The following CFAP45 variants were observed in gnomAD, a reference collection of about 807,000 sequenced individuals.
The protein encoded by CFAP45 is cilia- and flagella-associated protein 45.
CFAP45 carries 43 observed loss-of-function variants against 75.6 expected under a neutral mutation model. That is an observed-to-expected ratio of 0.57 (90% CI 0.45 to 0.73). The LOEUF (loss-of-function observed/expected upper bound fraction) is 0.73, where lower values mean the gene tolerates loss of function less well. Among genes scored for constraint, CFAP45 ranks in the 30% least tolerant of loss-of-function variants. The pLI is 0.00. For synonymous variants in CFAP45, 223 were observed against 244.6 expected, an observed-to-expected ratio of 0.91 and a Z score of 0.82; for missense variants, 689 against 701.5, an observed-to-expected ratio of 0.98 and a Z score of 0.20.
chr1:159,898,041 A>T (rs566220336), intron 1 of CFAP45: 1 of 884,972 alleles, frequency 1.1e-6, no homozygotes, highest in East Asian at 1.2e-4. Flanking sequence ...TTCAGGAAAG[A>T]TATGTCTTTT....
intron 3 of CFAP45, among the ~76,000 whole-genome samples, chr1:159,889,975 G>A (rs1255375325): frequency 6.6e-6 from 1 of 152,232 alleles, no homozygotes; most frequent in African/African-American, 2.4e-5. Flanking sequence ...CTCTAGTCAG[G>A]AAGTGGGGTT....
Position 159,880,586 on chromosome 1 carries a change from G to C in CFAP45, c.1012C>G (p.Gln338Glu), listed in dbSNP as rs1649525774. The C allele has an allele frequency of 2.5e-6, 4 of 1,613,358 alleles. No individual in the cohort carries two copies. The highest frequency in any genetic ancestry group is 3.4e-6 in the Non-Finnish European group (4 of 1,179,666). The change falls in exon 8 of 12, where the codon CAG (glutamine) becomes GAG (glutamate). Residue 338 changes from glutamine (Q) to glutamate (E), a missense_variant. Coordinates refer to ENST00000368099, the MANE Select transcript of CFAP45 (RefSeq NM_012337.3). The part of the protein sequence containing the change: ...ELLAQEKLAD[Q>E]MVMEFTKKKM... ...TTCTTGGTAAACTCCATCACCATCT[G>C]GTCTGCCAGCTTCTCCTGAGCCAGC...
At chr1:159,879,558 G>T (rs1649498495) in intron 8 of CFAP45, among the ~76,000 whole-genome samples, 1 of 152,172 alleles carries the variant, frequency 6.6e-6, no homozygotes, top group African/African-American at 2.4e-5. Context: ...TTATGTGATT[G>T]TTATTATGTA....
At position 159,872,928 on chromosome 1, in the gene CFAP45, G is replaced by A. The variant is rs1197450250; in HGVS notation, c.1577+16C>T. On this transcript the variant is annotated intron_variant, in intron 11 of 11. Transcript: ENST00000368099. Reference sequence around the variant, plus strand: ...GGAGGGAAGAGGATTTGGGAAAGGAGGAGATTCCAGCGCACCTCAGCTCTT... The same window carrying A: ...GGAGGGAAGAGGATTTGGGAAAGGAAGAGATTCCAGCGCACCTCAGCTCTT... The A allele has an allele frequency of 1.9e-6, 3 of 1,609,424 alleles. No individual in the cohort carries two copies. Among genetic ancestry groups the A allele is most frequent in the Non-Finnish European group, 2.6e-6 (3 of 1,175,942 alleles).
At chr1:159,894,713 A>C (rs549973234) in intron 1 of CFAP45, among the ~76,000 whole-genome samples, 18 of 152,180 alleles carry the variant, frequency 1.2e-4, no homozygotes, top group Non-Finnish European at 2.2e-4. Context: ...TTCTCCAACT[A>C]CAGAAGCTGA....
intron 3 of CFAP45, 41 bp from the exon 4 acceptor site, chr1:159,888,537 A>G (rs186077017): frequency 1.3e-6 from 2 of 1,592,228 alleles, no homozygotes; most frequent in Admixed American, 3.4e-5. Context: ...GGAGAGGGAA[A>G]GCTCTCAGCA....
In CFAP45 at chr1:159,888,104, T is replaced by A. The variant is rs1280824551; in HGVS notation, c.418-93A>T. The A allele has an allele frequency of 2.7e-5, 38 of 1,430,086 alleles. No homozygotes were observed. The South Asian group carries it at 4.7e-4, about 18-fold the overall frequency. The allele number at this position is 1,430,086 out of a possible 1,614,324, so 88.6% of individuals were successfully genotyped here. A position where few individuals can be genotyped will look rare whatever the true frequency, so the allele number is the denominator to read the frequency against. On this transcript the variant is annotated intron_variant, in intron 4 of 11. Coordinates refer to ENST00000368099, the MANE Select transcript of CFAP45 (RefSeq NM_012337.3). ...GCTACCACAGGTGACCCAGTACAAT[T>A]TTGCCTTGGCCAGTGATGATGTCAG...
rs755026400 is a variant in CFAP45, at chr1:159,890,595, G to T, written c.157C>A (p.Pro53Thr). 1.5e-5 allele frequency: 25 copies of T among 1,613,960 alleles called. No individual in the cohort carries two copies. The African/African-American group carries it at 3.3e-4, about 22-fold the overall frequency. The change falls in exon 3 of 12, where the codon CCC (proline) becomes ACC (threonine). Residue 53 changes from proline to threonine, a missense_variant. By Grantham distance (38) the Pro-to-Thr change is conservative (BLOSUM62 -1). Transcript: ENST00000368099. ...TGCTTATCTCGGAGCAGCACAATGG[G>T]GCTGTCGCTCTGGCCCTGGGCTGGG... ...KSPAQGQSDSPIVLLRDKHTL... is the reference protein window; with the variant it reads ...KSPAQGQSDSTIVLLRDKHTL...
intron 1 of CFAP45, among the ~76,000 whole-genome samples, chr1:159,893,522 A>T (rs933486443): frequency 6.6e-6 from 1 of 152,220 alleles, no homozygotes; most frequent in South Asian, 2.1e-4. Context: ...CAAAAAAAAG[A>T]GCTCTGCATA....
At chr1:159,887,375 T>A (rs543360868) in intron 5 of CFAP45, among the ~76,000 whole-genome samples, 5 of 152,350 alleles carry the variant, frequency 3.3e-5, no homozygotes, top group Admixed American at 2.6e-4. Flanking sequence ...AGAATTCAAA[T>A]GAGCCTCTGG....
intron 10 of CFAP45, 108 bp from the exon 11 acceptor site, chr1:159,873,276 G>T: frequency 1.2e-6 from 1 of 838,158 alleles, no homozygotes; most frequent in Non-Finnish European, 1.9e-6. Context: ...ATGCCTCAGA[G>T]ACCACAGCCC....
intron 8 of CFAP45, among the ~76,000 whole-genome samples, chr1:159,879,498 AAC>A (rs575886558): frequency 6.6e-6 from 1 of 152,170 alleles, no homozygotes; most frequent in Non-Finnish European, 1.5e-5. Context: ...ACACGTGTAA[AAC>A]ACTTAGCACG....
Position 159,872,616 on chromosome 1 carries a change from G to A in CFAP45, c.1578-53C>T, listed in dbSNP as rs932078109. On this transcript the variant is annotated intron_variant, in intron 11 of 11. Coordinates refer to ENST00000368099, the MANE Select transcript of CFAP45 (RefSeq NM_012337.3). ...GGAAAGGTATTGGACCAGACAGGAG[G>A]TGGGAGGAAGCAGGCTCTGGGTGGG... 13 of 1,499,824 alleles carry A rather than the reference G, an allele frequency of 8.7e-6. No homozygotes were observed. The Admixed American group carries it at 1.7e-4, about 19-fold the overall frequency. The allele number at this position is 1,499,824 out of a possible 1,614,324, so 92.9% of individuals were successfully genotyped here. A position where few individuals can be genotyped will look rare whatever the true frequency, so the allele number is the denominator to read the frequency against.
At chr1:159,877,274 A>C in intron 9 of CFAP45, 75 bp downstream of exon 9, 3 of 1,045,106 alleles carry the variant, frequency 2.9e-6, no homozygotes, top group African/African-American at 1.6e-5. Context: ...CCTCAAGGCC[A>C]TTCTACAGGC....
At chr1:159,883,811 G>A (rs1223180113) in intron 7 of CFAP45, among the ~76,000 whole-genome samples, 3 of 152,098 alleles carry the variant, frequency 2.0e-5, no homozygotes, top group Middle Eastern at 3.4e-3. Context: ...AATTATCCAA[G>A]TGCCTGCCAT....
At chr1:159,888,276 C>A in intron 4 of CFAP45, 76 bp downstream of exon 4, 1 of 1,458,608 alleles carries the variant, frequency 6.9e-7, no homozygotes, top group Non-Finnish European at 9.5e-7. Flanking sequence ...TTTCAGGGTC[C>A]CCTGATGAGA....
At position 159,877,480 on chromosome 1, in the gene CFAP45, CT is replaced by C. The variant is rs1321806526; in HGVS notation, c.1045-19del. On this transcript the variant is annotated intron_variant, in intron 8 of 11. Coordinates refer to ENST00000368099, the MANE Select transcript of CFAP45 (RefSeq NM_012337.3). Reference sequence around the variant, plus strand: ...TCTCGAGCCTGCCGGAAGGAAAGGCCTTGTAGAATAGTTGCCATTGCCCCAG... The same window carrying C: ...TCTCGAGCCTGCCGGAAGGAAAGGCCTGTAGAATAGTTGCCATTGCCCCAG... The C allele has an allele frequency of 1.3e-6, 2 of 1,570,444 alleles. No individual in the cohort carries two copies. Among genetic ancestry groups the C allele is most frequent in the Admixed American group, 1.7e-5 (1 of 59,974 alleles).
chr1:159,893,447 C>T (rs914610939), intron 1 of CFAP45, 142 bp from the exon 2 acceptor site: 1 of 775,574 alleles, frequency 1.3e-6, no homozygotes, highest in African/African-American at 1.7e-5. Context: ...TGTGTAAACT[C>T]TGAACCATAG....
rs1419563631 is a variant in CFAP45 at position 159,872,542 on chromosome 1, C to T, written c.1599G>A (p.Lys533=). Residue 533 remains lysine (K), a synonymous_variant, in exon 12 of 12, where the codon AAG becomes AAA. Transcript: ENST00000368099. ...EELRATGLPE[K]YCIEAERKAN... ...CTTTGCGCTCAGCTTCAATGCAGTA[C>T]TTCTCGGGAAGGCCAGTGGCTCTGC... 1.2e-6 allele frequency: 2 copies of T among 1,614,196 alleles called. No homozygotes were observed. Among genetic ancestry groups the T allele is most frequent in the Non-Finnish European group, 1.7e-6 (2 of 1,180,014 alleles).
Sources: gnomAD v4.1 joint callset for allele counts (sites outside exome capture counted in the v4.1 genomes callset) on GRCh38, gnomAD v4.1.1 for gene constraint, MANE v1.5 for transcripts, NCBI Gene and HGNC (gene_info 2026-07-23, HGNC 2026-07-21) for gene names.